Variants in ESR1 observed in about 807,000 individuals in gnomAD.
The protein encoded by ESR1 is estrogen receptor 1, also known as estrogen receptor.
ESR1 carries 12 observed loss-of-function variants against 52.7 expected under a neutral mutation model. The observed-to-expected ratio is 0.23, with a 90% CI of 0.15 to 0.37. The LOEUF (loss-of-function observed/expected upper bound fraction) is 0.37, where lower values mean the gene tolerates loss of function less well. Ranked by LOEUF, ESR1 falls within the 10% of genes least tolerant of loss-of-function variation. The pLI is 1.00. For missense variants in ESR1, 584 were observed against 779.7 expected (o/e 0.75, Z 2.99); for synonymous variants, 305 against 316.8 (o/e 0.96, Z 0.39).
chr6:152,058,505 T>C lies in ESR1; in HGVS notation c.1236-2486T>C, dbSNP rs17082061. Among the ~76,000 whole-genome samples, 1,409 of 152,342 alleles carry C rather than the reference T, an allele frequency of 9.2e-3. 18 individuals are homozygous for C. The highest frequency in any genetic ancestry group is 0.032 in the African/African-American group (1,335 of 41,590). On this transcript the variant is annotated intron_variant, in intron 5 of 7. Transcript: ENST00000206249. ...ATAGGTAATACTTAAAGGTGATCCT[T>C]ACTGTGTGCCACACTCCATTCTAAG...
At chr6:152,082,144 G>T (rs1490035501) in intron 6 of ESR1, among the ~76,000 whole-genome samples, 1 of 152,110 alleles carries the variant, frequency 6.6e-6, no homozygotes, top group Non-Finnish European at 1.5e-5. Flanking sequence ...CCAAAACCTG[G>T]CAGAGACACA....
At chr6:151,999,556 A>G (rs1359021386) in intron 4 of ESR1, among the ~76,000 whole-genome samples, 1 of 152,172 alleles carries the variant, frequency 6.6e-6, no homozygotes, top group Non-Finnish European at 1.5e-5. Flanking sequence ...GAGCATTACA[A>G]GAAAAGCAGG....
chr6:151,781,505 C>G (rs75191396), intron 2 of ESR1, among the ~76,000 whole-genome samples: 5,533 of 152,298 alleles, frequency 0.036, 105 homozygotes, highest in Non-Finnish European at 0.046. Context: ...AAAATTCAAA[C>G]CATAGCACTG....
At chr6:151,864,256 C>A (rs547199164) in intron 2 of ESR1, among the ~76,000 whole-genome samples, 4 of 152,206 alleles carry the variant, frequency 2.6e-5, no homozygotes, top group South Asian at 2.1e-4. Context: ...AAAAAAGGAA[C>A]CCCATCAACA....
chr6:151,740,415 C>T (rs1026496404), intron 2 of ESR1, among the ~76,000 whole-genome samples: 3 of 149,902 alleles, frequency 2.0e-5, no homozygotes, highest in Admixed American at 6.7e-5. Context: ...GGATTACAGG[C>T]GTGAGCCACC....
In ESR1 at chr6:151,899,720, C is replaced by T. The variant is rs560462547; in HGVS notation, c.760+18949C>T. Among the ~76,000 whole-genome samples the T allele has an allele frequency of 5.7e-4, 85 of 150,394 alleles. 1 individual carries two copies. In the South Asian group the frequency reaches 0.014, roughly 24 times the overall value. Reference sequence around the variant, plus strand: ...GCAGAGGGTCTCCTCACTTCTCAGACGGGGCGGCCCGGCAGAGACGCTCCT... The same window carrying T: ...GCAGAGGGTCTCCTCACTTCTCAGATGGGGCGGCCCGGCAGAGACGCTCCT... On this transcript the variant is annotated intron_variant, in intron 3 of 7. Transcript: ENST00000206249.
At chr6:151,723,729 C>T (rs941716590) in intron 2 of ESR1, among the ~76,000 whole-genome samples, 7 of 151,978 alleles carry the variant, frequency 4.6e-5, no homozygotes, top group African/African-American at 9.6e-5. Context: ...ATTAGCTGGG[C>T]GTGGTGGAGC....
intron 4 of ESR1, among the ~76,000 whole-genome samples, chr6:152,002,183 C>A (rs974560385): frequency 2.6e-5 from 3 of 115,728 alleles, no homozygotes; most frequent in African/African-American, 1.3e-4. Context: ...GATTTTAAAT[C>A]AAGTGTGTGT....
chr6:151,979,132 C>G (rs1638871948), intron 4 of ESR1, among the ~76,000 whole-genome samples: 1 of 152,154 alleles, frequency 6.6e-6, no homozygotes, highest in South Asian at 2.1e-4. Context: ...ACCAGTTAGA[C>G]TAGATTAGGG....
chr6:151,762,957 C>T (rs1017658594), intron 2 of ESR1, among the ~76,000 whole-genome samples: 3 of 151,440 alleles, frequency 2.0e-5, no homozygotes, highest in African/African-American at 7.3e-5. Context: ...AACAAACAAA[C>T]AAAAATTAAT....
intron 1 of ESR1, among the ~76,000 whole-genome samples, chr6:151,662,143 C>T (rs765547335): frequency 2.6e-5 from 4 of 152,050 alleles, no homozygotes; most frequent in Non-Finnish European, 4.4e-5. Flanking sequence ...GGAGGGCGCT[C>T]GAGAGACTCA....
chr6:151,924,146 C>A (rs1464540015), intron 3 of ESR1, among the ~76,000 whole-genome samples: 2 of 152,134 alleles, frequency 1.3e-5, no homozygotes, highest in African/African-American at 4.8e-5. Context: ...TGGGTTCAAG[C>A]AATTCTCTGC....
At chr6:151,869,290 G>GGTCT (rs913353984) in intron 2 of ESR1, among the ~76,000 whole-genome samples, 17 of 152,106 alleles carry the variant, frequency 1.1e-4, no homozygotes, top group African/African-American at 2.9e-4. Flanking sequence ...GAAGGAGAGG[G>GGTCT]GTCTACAGGT....
At chr6:151,855,455 G>A (rs1458043889) in intron 2 of ESR1, among the ~76,000 whole-genome samples, 2 of 151,988 alleles carry the variant, frequency 1.3e-5, no homozygotes, top group Non-Finnish European at 2.9e-5. Context: ...TTTGTACTCT[G>A]TCCACACCTA....
chr6:151,977,550 T>C (rs2039553633), intron 4 of ESR1, among the ~76,000 whole-genome samples: 1 of 151,866 alleles, frequency 6.6e-6, no homozygotes, highest in Admixed American at 6.6e-5. Context: ...ATCCCAGCAC[T>C]TTGGGAGGCC....
chr6:152,025,723 T>C (rs1056921717), intron 5 of ESR1, among the ~76,000 whole-genome samples: 2 of 152,022 alleles, frequency 1.3e-5, no homozygotes, highest in African/African-American at 4.8e-5. Flanking sequence ...TTCTGCTTTC[T>C]AACTCATTAA....
chr6:151,983,295 A>G (rs2040165476), intron 4 of ESR1, among the ~76,000 whole-genome samples: 1 of 152,176 alleles, frequency 6.6e-6, no homozygotes, highest in Admixed American at 6.5e-5. Context: ...ATCTTTTGAA[A>G]GCATGTGAAG....
rs1228337814 is a variant in ESR1, at chr6:152,053,571, T to C, written c.1236-7420T>C. 2.0e-5 allele frequency among the ~76,000 whole-genome samples: 3 copies of C among 151,698 alleles called. No homozygotes were observed. The highest frequency in any genetic ancestry group is 4.4e-5 in the Non-Finnish European group (3 of 67,928). ...CTTATCCTCTCTTTCTCTCAATCCC[T>C]CTCTCCCTCTTTCTCTCTCTCAATC... On this transcript the variant is annotated intron_variant, in intron 5 of 7. Coordinates refer to ENST00000206249, the MANE Select transcript of ESR1 (RefSeq NM_000125.4). This position sits in a 1 kb window ranked among gnomAD's most constrained non-coding sequence, Gnocchi z 4.1.
At chr6:152,057,044 C>CGT (rs1204853618) in intron 5 of ESR1, among the ~76,000 whole-genome samples, 1 of 152,092 alleles carries the variant, frequency 6.6e-6, no homozygotes, top group African/African-American at 2.4e-5. Flanking sequence ...GTCTGATTTG[C>CGT]CCCTTGAAGT....
Sources: allele counts gnomAD v4.1 joint callset (sites outside exome capture counted in the v4.1 genomes callset), GRCh38; gene constraint gnomAD v4.1.1; non-coding constraint Gnocchi (gnomAD v3.1); transcripts MANE v1.5; gene names NCBI Gene and HGNC (gene_info 2026-07-23, HGNC 2026-07-21).